IZUMO2: variants seen among roughly 807,000 people sequenced by gnomAD.
IZUMO2 encodes IZUMO family member 2.
A neutral mutation model predicts 31.2 loss-of-function variants in IZUMO2; 24 were observed. The observed-to-expected ratio is 0.77, with a 90% CI of 0.56 to 1.08. IZUMO2 has a LOEUF of 1.08. Among genes scored for constraint, IZUMO2 ranks in the 50% least tolerant of loss-of-function variants. The pLI is 0.00. For synonymous variants in IZUMO2, 144 were observed against 117.3 expected (o/e 1.23, Z -1.47); for missense variants, 278 against 274.0 (o/e 1.01, Z -0.10).
At chr19:50,153,360 C>T (rs2030089798) in intron 6 of IZUMO2, among the ~76,000 whole-genome samples, 1 of 152,140 alleles carries the variant, frequency 6.6e-6, no homozygotes, top group South Asian at 2.1e-4. Flanking sequence ...CTTTAAGTCA[C>T]CCAATTTGTG....
chr19:50,162,111 C>T (rs1341554060), intron 2 of IZUMO2, among the ~76,000 whole-genome samples: 6 of 151,322 alleles, frequency 4.0e-5, no homozygotes, highest in African/African-American at 1.2e-4. Flanking sequence ...GGTGAAACCT[C>T]GTCTCTACTA....
intron 5 of IZUMO2, among the ~76,000 whole-genome samples, chr19:50,157,532 G>A (rs2030251906): frequency 1.3e-5 from 2 of 150,516 alleles, no homozygotes. Context: ...TCAAACTCCT[G>A]ACCTTGTGAT....
chr19:50,155,520 C>A (rs1313354204), intron 5 of IZUMO2, among the ~76,000 whole-genome samples: 1 of 152,192 alleles, frequency 6.6e-6, no homozygotes, highest in Non-Finnish European at 1.5e-5. Context: ...CTGAAGGTGG[C>A]CTTGGGAGTT....
intron 3 of IZUMO2, 75 bp downstream of exon 3, chr19:50,159,419 G>T: frequency 7.8e-7 from 1 of 1,284,616 alleles, no homozygotes; most frequent in Non-Finnish European, 1.1e-6. Flanking sequence ...AGGAGTTTGG[G>T]AGAAAAAGTG....
At position 50,159,549 on chromosome 19, in the gene IZUMO2, G is replaced by T; in HGVS notation, c.339C>A (p.Leu113=). 1 of 1,613,500 alleles carries T rather than the reference G, an allele frequency of 6.2e-7. No individual in the cohort carries two copies. The highest frequency in any genetic ancestry group is 2.2e-5 in the East Asian group (1 of 44,886). Residue 113 remains leucine, a synonymous_variant, in exon 3 of 7, where the codon CTC becomes CTA. Coordinates refer to ENST00000293405, the MANE Select transcript of IZUMO2 (RefSeq NM_152358.3). ...DEPLLEELVT[L]RANVIKEFKK... ...TGAATTCCTTGATCACATTCGCCCT[G>T]AGGGTCACCAGCTCTTCCAGCAGAG...
intron 6 of IZUMO2, chr19:50,153,814 A>C (rs965830574): frequency 2.7e-5 from 4 of 147,854 alleles, no homozygotes; most frequent in Non-Finnish European, 4.5e-5. Flanking sequence ...CATCTCAAGA[A>C]AAAAAAAAAA....
chr19:50,162,936 C>T (rs372404950), intron 1 of IZUMO2, 27 bp downstream of exon 1: 18 of 1,612,344 alleles, frequency 1.1e-5, no homozygotes, highest in Non-Finnish European at 1.4e-5. Context: ...CGCCCAGCCC[C>T]GCTGCCCAAT....
At chr19:50,158,426 A>G (rs1040829837) in intron 4 of IZUMO2, 78 bp from the exon 5 acceptor site, 5 of 951,676 alleles carry the variant, frequency 5.3e-6, no homozygotes, top group Non-Finnish European at 6.6e-6. Context: ...AGAAGGAGAA[A>G]GAGGAGATGG....
chr19:50,152,803 AG>A (rs2030072501), intron 6 of IZUMO2, 152 bp from the exon 7 acceptor site: 2 of 703,422 alleles, frequency 2.8e-6, no homozygotes, highest in African/African-American at 1.8e-5. Context: ...GCAGATTTTC[AG>A]GGTTCTCTGC....
At chr19:50,159,144 G>A (rs1341095223) in intron 4 of IZUMO2, 86 bp downstream of exon 4, 3 of 1,339,386 alleles carry the variant, frequency 2.2e-6, no homozygotes, top group Non-Finnish European at 3.2e-6. Context: ...ATGGAGTAAG[G>A]AGTGGTAGCC....
At chr19:50,154,264 G>GTTTTTTT (rs71180675) in intron 6 of IZUMO2, among the ~76,000 whole-genome samples, 2 of 79,286 alleles carry the variant, frequency 2.5e-5, no homozygotes, top group Non-Finnish European at 5.0e-5. Flanking sequence ...AACTTTTAGC[G>GTTTTTTT]TTTTTTTTTT....
chr19:50,162,720 G>A lies in IZUMO2; in HGVS notation c.307+19C>T, dbSNP rs780267409. On this transcript the variant is annotated intron_variant, in intron 2 of 6. Transcript: ENST00000293405. ...AAAGAAGAGGGGTGCTGGAGAAGGC[G>A]TTCCCTCGTCTCTCCTACCTTTCAG... 28 of 1,602,674 alleles carry A rather than the reference G, an allele frequency of 1.7e-5. 1 individual carries two copies. In the South Asian group the frequency reaches 3.0e-4, roughly 17 times the overall value.
In IZUMO2 at chr19:50,161,105, C is replaced by T. The variant is rs548191155; in HGVS notation, c.308-1525G>A. ...CAATTCAAAATCCTTGGTGCTTTGACGCCTTTTTCTTTTCCTTTTTCTTTT... is the reference window on the plus strand; with the variant it reads ...CAATTCAAAATCCTTGGTGCTTTGATGCCTTTTTCTTTTCCTTTTTCTTTT... On this transcript the variant is annotated intron_variant, in intron 2 of 6. Transcript: ENST00000293405. 9.2e-5 allele frequency among the ~76,000 whole-genome samples: 14 copies of T among 151,522 alleles called. No individual in the cohort carries two copies. The South Asian group carries it at 1.0e-3, about 11-fold the overall frequency.
chr19:50,158,202 T>A lies in IZUMO2; in HGVS notation c.496+66A>T, dbSNP rs531167453. ...TGGGAGCCTCGAAACCCATATCTAG[T>A]GGGTCATGGCTGTCTTCATCTCTTG... On this transcript the variant is annotated intron_variant, in intron 5 of 6. Transcript: ENST00000293405. 8 of 1,010,204 alleles carry A rather than the reference T, an allele frequency of 7.9e-6. No individual in the cohort carries two copies. In the East Asian group the frequency reaches 1.8e-4, roughly 23 times the overall value. 62.6% of individuals were successfully genotyped at this position (1,010,204 alleles called of 1,614,324 possible). A position where few individuals can be genotyped will look rare whatever the true frequency, so the allele number is the denominator to read the frequency against.
chr19:50,159,608 G>A, intron 2 of IZUMO2, 28 bp from the exon 3 acceptor site: 4 of 1,493,238 alleles, frequency 2.7e-6, no homozygotes, highest in Non-Finnish European at 3.7e-6. Flanking sequence ...TCTCTGTGGG[G>A]TGGGAGGCAC....
intron 2 of IZUMO2, 34 bp downstream of exon 2, chr19:50,162,705 G>T: frequency 6.5e-7 from 1 of 1,544,592 alleles, no homozygotes; most frequent in Non-Finnish European, 9.0e-7. Flanking sequence ...AAAGAAGAGG[G>T]GTGCTGGAGA....
intron 5 of IZUMO2, among the ~76,000 whole-genome samples, chr19:50,157,284 A>G (rs2030242308): frequency 6.8e-6 from 1 of 147,188 alleles, no homozygotes; most frequent in African/African-American, 2.5e-5. Context: ...CCGGATAGAT[A>G]GATGTGGATT....
At chr19:50,157,596 G>T (rs1418856951) in intron 5 of IZUMO2, among the ~76,000 whole-genome samples, 1 of 149,786 alleles carries the variant, frequency 6.7e-6, no homozygotes, top group African/African-American at 2.4e-5. Flanking sequence ...GCCACTGCAT[G>T]TTCGGTCTCG....
intron 4 of IZUMO2, among the ~76,000 whole-genome samples, chr19:50,158,678 G>A (rs2030295077): frequency 6.6e-6 from 1 of 151,960 alleles, no homozygotes; most frequent in African/African-American, 2.4e-5. Context: ...TCTCCTCTTT[G>A]GGCACACTGC....
Sources: allele counts gnomAD v4.1 joint callset (sites outside exome capture counted in the v4.1 genomes callset), GRCh38; gene constraint gnomAD v4.1.1; transcripts MANE v1.5; gene names NCBI Gene and HGNC (gene_info 2026-07-23, HGNC 2026-07-21).